The following SLC44A5 variants were observed in gnomAD, a reference collection of about 807,000 sequenced individuals.
SLC44A5 encodes the protein solute carrier family 44 member 5.
SLC44A5 carries 57 observed loss-of-function variants against 101.8 expected under a neutral mutation model. The ratio of observed to expected loss-of-function variants is 0.56; its 90% CI spans 0.45 to 0.70. SLC44A5 has a LOEUF of 0.70. Ranked by LOEUF, SLC44A5 falls within the 30% of genes least tolerant of loss-of-function variation. SLC44A5 has a pLI of 0.00. For missense variants in SLC44A5, 737 were observed against 853.1 expected, an observed-to-expected ratio of 0.86 and a Z score of 1.70; for synonymous variants, 281 against 290.9, an observed-to-expected ratio of 0.97 and a Z score of 0.35.
the SLC44A5 span, among the ~76,000 whole-genome samples, chr1:75,642,395 G>T: frequency 2.0e-5 from 3 of 152,048 alleles, no homozygotes; most frequent in Admixed American, 1.3e-4. Context: ...TGGTCATCAC[G>T]TGAGCAGCTG....
At chr1:75,307,900 A>T (rs896759325) in intron 4 of SLC44A5, among the ~76,000 whole-genome samples, 6 of 152,214 alleles carry the variant, frequency 3.9e-5, no homozygotes, top group Admixed American at 2.6e-4. Flanking sequence ...TGTTACTGAA[A>T]TCAGAAACCT....
At chr1:75,572,896 G>T (rs1371772761) in intron 1 of SLC44A5, among the ~76,000 whole-genome samples, 1 of 151,976 alleles carries the variant, frequency 6.6e-6, no homozygotes, top group Non-Finnish European at 1.5e-5. Flanking sequence ...GCTAAGGCAG[G>T]CAGATCGCCT....
chr1:75,383,349 C>A (rs1013870997), intron 3 of SLC44A5, among the ~76,000 whole-genome samples: 1 of 145,324 alleles, frequency 6.9e-6, no homozygotes, highest in Non-Finnish European at 1.5e-5. Context: ...TTCCCCGGTT[C>A]CCCTTATTTC....
At chr1:75,530,498 T>C (rs1009216024) in intron 2 of SLC44A5, among the ~76,000 whole-genome samples, 4 of 152,160 alleles carry the variant, frequency 2.6e-5, no homozygotes, top group Non-Finnish European at 4.4e-5. Context: ...AGAAATAAAC[T>C]GTAGAAAAGC....
chr1:75,239,577 T>C (rs1347286478), intron 9 of SLC44A5, among the ~76,000 whole-genome samples: 1 of 152,026 alleles, frequency 6.6e-6, no homozygotes, highest in Non-Finnish European at 1.5e-5. Flanking sequence ...TCTGCTGCAC[T>C]TAGGACGTGG....
chr1:75,461,025 GA>G lies in SLC44A5; in HGVS notation c.14-64405del, dbSNP rs372014990. Among the ~76,000 whole-genome samples, 713 of 145,146 alleles carry G rather than the reference GA, an allele frequency of 4.9e-3. 7 individuals are homozygous for G. Among genetic ancestry groups the G allele is most frequent in the African/African-American group, 0.016 (653 of 39,682 alleles). On this transcript the variant is annotated intron_variant, in intron 2 of 23. Transcript: ENST00000370859. ...ATATCACCATAATATTAATGATAGTGAAAAAAAAAATGGAAGCAACCCAATG... is the reference window on the plus strand; with the variant it reads ...ATATCACCATAATATTAATGATAGTGAAAAAAAAATGGAAGCAACCCAATG...
intron 2 of SLC44A5, among the ~76,000 whole-genome samples, chr1:75,504,449 TTGTA>T (rs1296009230): frequency 3.9e-5 from 6 of 151,908 alleles, no homozygotes; most frequent in African/African-American, 7.2e-5. Context: ...ATATTTTTCT[TTGTA>T]TGTATGTCAA....
At chr1:75,627,545 C>T in the SLC44A5 span, among the ~76,000 whole-genome samples, 874 of 151,882 alleles carry the variant, frequency 5.8e-3, 14 homozygotes, top group Admixed American at 0.034. Flanking sequence ...TATCCAGGCA[C>T]GGTGGCACAC....
intron 4 of SLC44A5, among the ~76,000 whole-genome samples, chr1:75,306,167 T>A (rs980554221): frequency 2.0e-5 from 3 of 152,248 alleles, no homozygotes; most frequent in African/African-American, 4.8e-5. Context: ...AAGGCTACTT[T>A]CTTTTGCTAC....
intron 1 of SLC44A5, among the ~76,000 whole-genome samples, chr1:75,608,145 G>A (rs968504931): frequency 1.1e-4 from 17 of 151,382 alleles, no homozygotes; most frequent in African/African-American, 4.1e-4. Flanking sequence ...AAGTCCTCCA[G>A]GTTTATCCAT....
chr1:75,245,807 T>C (rs1414716930), intron 7 of SLC44A5, among the ~76,000 whole-genome samples: 2 of 152,130 alleles, frequency 1.3e-5, no homozygotes, highest in African/African-American at 4.8e-5. Context: ...CTTTACTTTC[T>C]CCCTCTATCA....
At position 75,366,333 on chromosome 1, in the gene SLC44A5, G is replaced by C. The variant is rs149827702; in HGVS notation, c.53-26703C>G. 8.9e-4 allele frequency among the ~76,000 whole-genome samples: 136 copies of C among 152,014 alleles called. 1 individual carries two copies. The highest frequency in any genetic ancestry group is 8.7e-3 in the Admixed American group (132 of 15,258). Reference sequence around the variant, plus strand: ...TTTGGAGCCTTTTTTTCAGCCTTTTGAATATATAATCCCATACTCTCCTAG... The same window carrying C: ...TTTGGAGCCTTTTTTTCAGCCTTTTCAATATATAATCCCATACTCTCCTAG... On this transcript the variant is annotated intron_variant, in intron 3 of 23. Transcript: ENST00000370859.
chr1:75,368,301 AC>A (rs1449403303), intron 3 of SLC44A5, among the ~76,000 whole-genome samples: 2 of 152,174 alleles, frequency 1.3e-5, no homozygotes, highest in African/African-American at 2.4e-5. Flanking sequence ...TGTTTCTAGA[AC>A]CTTTCCCTTA....
At chr1:75,438,357 C>T (rs1047829840) in intron 2 of SLC44A5, among the ~76,000 whole-genome samples, 2 of 152,084 alleles carry the variant, frequency 1.3e-5, no homozygotes, top group Non-Finnish European at 2.9e-5. Context: ...AGAGACCCTT[C>T]TGCAATAAAC....
intron 2 of SLC44A5, among the ~76,000 whole-genome samples, chr1:75,508,338 G>A (rs1354755571): frequency 2.0e-5 from 3 of 152,040 alleles, no homozygotes; most frequent in Admixed American, 1.3e-4. Flanking sequence ...AAAATTTCTA[G>A]GATGTAGCAA....
At chr1:75,358,294 T>A (rs960754566) in intron 3 of SLC44A5, among the ~76,000 whole-genome samples, 1 of 152,206 alleles carries the variant, frequency 6.6e-6, no homozygotes, top group African/African-American at 2.4e-5. Context: ...GAATTAAAGA[T>A]GTTTGATAAG....
At chr1:75,225,392 G>A (rs960501285) in intron 13 of SLC44A5, among the ~76,000 whole-genome samples, 3 of 152,044 alleles carry the variant, frequency 2.0e-5, no homozygotes, top group Non-Finnish European at 4.4e-5. Context: ...TTCTCAGAAC[G>A]TATTTCTCTC....
chr1:75,481,536 A>G (rs1490665511), intron 2 of SLC44A5, among the ~76,000 whole-genome samples: 1 of 149,766 alleles, frequency 6.7e-6, no homozygotes, highest in Non-Finnish European at 1.5e-5. Flanking sequence ...AGAATCTACA[A>G]TGAGCTCAAA....
intron 2 of SLC44A5, among the ~76,000 whole-genome samples, chr1:75,403,929 T>C (rs1181763387): frequency 6.6e-6 from 1 of 152,016 alleles, no homozygotes; most frequent in Non-Finnish European, 1.5e-5. Context: ...TCTAACCCAA[T>C]GCAAGGGAAC....
Sources: allele counts gnomAD v4.1 joint callset (sites outside exome capture counted in the v4.1 genomes callset), GRCh38; gene constraint gnomAD v4.1.1; transcripts MANE v1.5; gene names NCBI Gene and HGNC (gene_info 2026-07-23, HGNC 2026-07-21).